Variants in PMFBP1 observed in about 807,000 individuals in gnomAD.
The protein encoded by PMFBP1 is polyamine modulated factor 1 binding protein 1, also known as polyamine-modulated factor 1-binding protein 1.
In PMFBP1, 131 loss-of-function variants were observed where a neutral mutation model predicts 137.8. The ratio of observed to expected loss-of-function variants is 0.95; its 90% CI spans 0.82 to 1.10. The LOEUF is 1.10. Among genes scored for constraint, PMFBP1 ranks in the 50% least tolerant of loss-of-function variants. PMFBP1 has a pLI of 0.00. For missense variants in PMFBP1, 1,199 were observed against 1,175.4 expected, an observed-to-expected ratio of 1.02 and a Z score of -0.29; for synonymous variants, 490 against 450.4, an observed-to-expected ratio of 1.09 and a Z score of -1.11.
chr16:72,164,617 G>A lies in PMFBP1; in HGVS notation c.165+147C>T, dbSNP rs1002150141. On this transcript the variant is annotated intron_variant, in intron 3 of 20. Coordinates refer to ENST00000237353, the MANE Select transcript of PMFBP1 (RefSeq NM_031293.3). The stretch of plus-strand genomic sequence containing the variant: ...CATGTGTATGTGCGTTGGGGTGTGT[G>A]TGTTTAATTCTCTTAATTCTCTCTC... The A allele has an allele frequency of 1.4e-5, 17 of 1,223,622 alleles. 1 individual carries two copies. Among genetic ancestry groups the A allele is most frequent in the Non-Finnish European group, 1.9e-5 (17 of 871,942 alleles). The allele number at this position is 1,223,622 out of a possible 1,614,324, so 75.8% of individuals were successfully genotyped here.
At position 72,147,072 on chromosome 16, in the gene PMFBP1, C is replaced by T. The variant is rs139557604; in HGVS notation, c.636+3536G>A. 7.2e-3 allele frequency among the ~76,000 whole-genome samples: 1,096 copies of T among 152,288 alleles called. 5 individuals carry two copies. The highest frequency in any genetic ancestry group is 0.034 in the Middle Eastern group (10 of 294). On this transcript the variant is annotated intron_variant, in intron 5 of 20. Transcript: ENST00000237353. ...AAAGAGCCCGCATAGCCAAGACAATCCTAAGCAAAAAGAACAAAGCTGGAG... is the reference window on the plus strand; with the variant it reads ...AAAGAGCCCGCATAGCCAAGACAATTCTAAGCAAAAAGAACAAAGCTGGAG...
At chr16:72,164,129 T>C (rs774841585) in intron 3 of PMFBP1, among the ~76,000 whole-genome samples, 11 of 151,956 alleles carry the variant, frequency 7.2e-5, no homozygotes, top group Non-Finnish European at 1.3e-4. Flanking sequence ...CTCAGGTCCA[T>C]GGAGGAAGTC....
chr16:72,156,080 C>G (rs192490776), intron 3 of PMFBP1, among the ~76,000 whole-genome samples: 5 of 152,082 alleles, frequency 3.3e-5, no homozygotes, highest in Admixed American at 1.3e-4. Flanking sequence ...TCCACCTCCC[C>G]GGTTCAAGTG....
At chr16:72,159,641 A>T (rs766236202) in intron 3 of PMFBP1, among the ~76,000 whole-genome samples, 3 of 152,230 alleles carry the variant, frequency 2.0e-5, no homozygotes, top group Non-Finnish European at 2.9e-5. Flanking sequence ...AAATGCCTAG[A>T]CTTATTTGAG....
intron 4 of PMFBP1, among the ~76,000 whole-genome samples, chr16:72,152,163 T>C (rs1349899553): frequency 6.6e-6 from 1 of 152,200 alleles, no homozygotes; most frequent in Non-Finnish European, 1.5e-5. Flanking sequence ...GGGTCTGCTG[T>C]TGAGTGAACC....
At chr16:72,180,002 C>T (rs532590794), upstream of PMFBP1, among the ~76,000 whole-genome samples, 1 of 152,322 alleles carries the variant, frequency 6.6e-6, no homozygotes, top group East Asian at 1.9e-4. Context: ...GCTGCAGATA[C>T]CTATCCTTGC....
chr16:72,213,194 GC>G, the PMFBP1 span, among the ~76,000 whole-genome samples: 2 of 139,750 alleles, frequency 1.4e-5, no homozygotes, highest in Non-Finnish European at 3.1e-5. Context: ...TACAGCAAGA[GC>G]CCGGGGGGGG....
the PMFBP1 span, among the ~76,000 whole-genome samples, chr16:72,220,147 A>C: frequency 1.3e-5 from 2 of 152,248 alleles, no homozygotes; most frequent in Admixed American, 6.5e-5. Context: ...GAGCCTTAAA[A>C]AGAATTATAC....
At chr16:72,189,062 CTT>C in the PMFBP1 span, among the ~76,000 whole-genome samples, 3 of 146,392 alleles carry the variant, frequency 2.0e-5, 1 homozygote, top group Non-Finnish European at 4.5e-5. Context: ...TTAGTGTTGA[CTT>C]TTTTTTTTTT....
chr16:72,231,906 G>GTAGATACTTTTTTCCTCACAAA, the PMFBP1 span, among the ~76,000 whole-genome samples: 2 of 151,800 alleles, frequency 1.3e-5, no homozygotes, highest in Non-Finnish European at 2.9e-5. Context: ...TATACTTTTG[G>GTAGATACTTTTTTCCTCACAAA]GAAGACACCC....
At chr16:72,169,175 G>A (rs1341484507) in intron 2 of PMFBP1, among the ~76,000 whole-genome samples, 2 of 152,070 alleles carry the variant, frequency 1.3e-5, no homozygotes, top group African/African-American at 4.8e-5. Context: ...ATTTGTCTGA[G>A]GATGAGGACA....
chr16:72,239,225 T>C, the PMFBP1 span, among the ~76,000 whole-genome samples: 2 of 152,146 alleles, frequency 1.3e-5, no homozygotes, highest in Non-Finnish European at 2.9e-5. Flanking sequence ...GCCACACATA[T>C]ATTCTTCAAT....
At chr16:72,149,347 G>A (rs901238259) in intron 5 of PMFBP1, among the ~76,000 whole-genome samples, 2 of 152,160 alleles carry the variant, frequency 1.3e-5, no homozygotes, top group Non-Finnish European at 2.9e-5. Flanking sequence ...ATATAATTTA[G>A]AAGTATCTTT....
At chr16:72,119,451 A>G (rs1308001100) in intron 20 of PMFBP1, 97 bp from the exon 21 acceptor site, 15 of 1,607,620 alleles carry the variant, frequency 9.3e-6, no homozygotes, top group Non-Finnish European at 1.1e-5. Flanking sequence ...GCTCTGCTGC[A>G]GGGTGACTTC....
chr16:72,154,824 T>C (rs1275700117), intron 3 of PMFBP1, among the ~76,000 whole-genome samples: 1 of 152,210 alleles, frequency 6.6e-6, no homozygotes, highest in East Asian at 1.9e-4. Context: ...GAAATGGATT[T>C]CTGGCCTTGG....
the PMFBP1 span, among the ~76,000 whole-genome samples, chr16:72,189,393 T>C: frequency 6.6e-6 from 1 of 152,166 alleles, no homozygotes; most frequent in Non-Finnish European, 1.5e-5. Context: ...TGTGACCACG[T>C]GTGGCCCACA....
At chr16:72,160,108 T>C (rs951863906) in intron 3 of PMFBP1, among the ~76,000 whole-genome samples, 5 of 152,234 alleles carry the variant, frequency 3.3e-5, no homozygotes, top group Non-Finnish European at 7.3e-5. Context: ...AAAGAGATTA[T>C]AGCTATTGCT....
chr16:72,155,823 C>T (rs1389132805), intron 3 of PMFBP1, among the ~76,000 whole-genome samples: 1 of 151,960 alleles, frequency 6.6e-6, no homozygotes, highest in African/African-American at 2.4e-5. Flanking sequence ...TTCTATCAAC[C>T]CCCCACGTTT....
intron 5 of PMFBP1, among the ~76,000 whole-genome samples, chr16:72,145,055 C>T (rs2042784405): frequency 1.3e-5 from 2 of 152,172 alleles, no homozygotes; most frequent in Admixed American, 1.3e-4. Flanking sequence ...CAGAACTCTC[C>T]ACCCCAAATC....
Sources: allele counts gnomAD v4.1 joint callset (sites outside exome capture counted in the v4.1 genomes callset), GRCh38; gene constraint gnomAD v4.1.1; transcripts MANE v1.5; gene names NCBI Gene and HGNC (gene_info 2026-07-23, HGNC 2026-07-21).